Variants in NR3C1 observed in about 807,000 individuals in gnomAD.
NR3C1 encodes the protein nuclear receptor subfamily 3 group C member 1.
NR3C1 carries 14 observed loss-of-function variants against 74.0 expected under a neutral mutation model. The ratio of observed to expected loss-of-function variants is 0.19; its 90% CI spans 0.12 to 0.30. The LOEUF (loss-of-function observed/expected upper bound fraction) is 0.30. Ranked by LOEUF, NR3C1 falls within the 10% of genes least tolerant of loss-of-function variation. The probability of loss-of-function intolerance (pLI) is 1.00; values close to 1 mark genes in which losing one functional copy is unlikely to be tolerated. For missense variants in NR3C1, 695 were observed against 909.8 expected (o/e 0.76, Z 3.04); for synonymous variants, 308 against 332.5 (o/e 0.93, Z 0.80).
chr5:143,323,111 A>T (rs1236618468), intron 2 of NR3C1, among the ~76,000 whole-genome samples: 1 of 152,230 alleles, frequency 6.6e-6, no homozygotes, highest in East Asian at 1.9e-4. Context: ...CTGAGTAATG[A>T]AATCTTATGC....
Position 143,279,142 on chromosome 5 carries a change from G to A in NR3C1, c.*2747C>T. On this transcript the variant is annotated 3_prime_UTR_variant, in exon 9 of 9. Transcript: ENST00000394464. Reference sequence around the variant, plus strand: ...TAGGAAATAAATCTGCTTTCAAACAGCACCACCATATAGCACTTAAATCCA... The same window carrying A: ...TAGGAAATAAATCTGCTTTCAAACAACACCACCATATAGCACTTAAATCCA... 1 of 528,866 alleles carries A rather than the reference G, an allele frequency of 1.9e-6. No homozygotes were observed. Among genetic ancestry groups the A allele is most frequent in the Non-Finnish European group, 3.2e-6 (1 of 312,222 alleles). The allele number at this position is 528,866 out of a possible 1,614,324, so 32.8% of individuals were successfully genotyped here. A position where few individuals can be genotyped will look rare whatever the true frequency, so the allele number is the denominator to read the frequency against.
At chr5:143,282,108 G>T in intron 8 of NR3C1, 67 bp from the exon 9 acceptor site, 1 of 1,573,572 alleles carries the variant, frequency 6.4e-7, no homozygotes, top group Admixed American at 1.7e-5. Context: ...CATGTTTGTT[G>T]TCCTCTATTT....
intron 4 of NR3C1, among the ~76,000 whole-genome samples, chr5:143,308,474 AATAATCATC>A (rs977721490): frequency 3.3e-5 from 5 of 152,068 alleles, no homozygotes; most frequent in Non-Finnish European, 7.4e-5. Context: ...CTAAAATAAT[AATAATCATC>A]ATAATCATAA....
At chr5:143,295,010 TC>T in intron 7 of NR3C1, 1 of 985,400 alleles carries the variant, frequency 1.0e-6, no homozygotes, top group South Asian at 4.7e-5. Context: ...TGTTAACCAA[TC>T]CCCAATAGTA....
At chr5:143,296,616 A>G (rs1561496062) in intron 6 of NR3C1, among the ~76,000 whole-genome samples, 2 of 151,992 alleles carry the variant, frequency 1.3e-5, no homozygotes. Context: ...TTGGCTGTAA[A>G]AACAACAACA....
At chr5:143,435,476 C>T (rs72555797) in exon 1 of NR3C1, 24 of 985,338 alleles carry the variant, frequency 2.4e-5, no homozygotes, top group Non-Finnish European at 2.9e-5. Context: ...GAAGAGGTAC[C>T]TTTTGAATGG....
At chr5:143,344,024 T>C (rs993737541) in intron 2 of NR3C1, among the ~76,000 whole-genome samples, 3 of 152,228 alleles carry the variant, frequency 2.0e-5, no homozygotes, top group East Asian at 1.9e-4. Flanking sequence ...TATTTTTTTT[T>C]CTAAATTGTA....
At chr5:143,403,764 G>T, upstream of NR3C1, 6 of 984,228 alleles carry the variant, frequency 6.1e-6, no homozygotes, top group Non-Finnish European at 7.2e-6. Context: ...GCCGCGCGGC[G>T]GCCGCGGGGA....
rs72481839 is a variant in NR3C1, at chr5:143,310,294, G to C, written c.1352-81C>G. 4 of 1,016,268 alleles carry C rather than the reference G, an allele frequency of 3.9e-6. No individual in the cohort carries two copies. In the African/African-American group the frequency reaches 4.7e-5, roughly 12 times the overall value. The allele number at this position is 1,016,268 out of a possible 1,614,324, so 63.0% of individuals were successfully genotyped here. ...AAGGACAGCCTCTGTCTTTGTTTCC[G>C]GTGGAATATAACCAAGACACCCACA... On this transcript the variant is annotated intron_variant, in intron 3 of 8. Transcript: ENST00000394464.
chr5:143,400,985 C>T, intron 1 of NR3C1, 133 bp from the exon 2 acceptor site: 1 of 744,296 alleles, frequency 1.3e-6, no homozygotes, highest in Non-Finnish European at 2.3e-6. Flanking sequence ...TTCTTTGTTA[C>T]CAGAAGAGTA....
chr5:143,299,005 GTTTTTTTT>G (rs35039262), intron 5 of NR3C1, among the ~76,000 whole-genome samples, 193 bp from the exon 6 acceptor site: 3 of 106,732 alleles, frequency 2.8e-5, no homozygotes, highest in Admixed American at 1.0e-4. Flanking sequence ...ACCCTCTTGT[GTTTTTTTT>G]TTTTTTTTTT....
chr5:143,426,462 C>G (rs1213038967), intron 1 of NR3C1, among the ~76,000 whole-genome samples: 1 of 152,166 alleles, frequency 6.6e-6, no homozygotes, highest in Non-Finnish European at 1.5e-5. Context: ...TACATTGATA[C>G]AAATCAGCTA....
chr5:143,388,282 T>C (rs999270895), intron 2 of NR3C1, among the ~76,000 whole-genome samples: 11 of 152,218 alleles, frequency 7.2e-5, no homozygotes, highest in Non-Finnish European at 1.5e-4. Flanking sequence ...TTAAGGCTTA[T>C]TTCTATCTGG....
chr5:143,311,051 T>C (rs1290928429), intron 3 of NR3C1, among the ~76,000 whole-genome samples: 1 of 152,256 alleles, frequency 6.6e-6, no homozygotes, highest in Non-Finnish European at 1.5e-5. Context: ...AATTGACCAC[T>C]AGACTATAAT....
At chr5:143,400,932 A>C in intron 1 of NR3C1, 80 bp from the exon 2 acceptor site, 1 of 1,075,384 alleles carries the variant, frequency 9.3e-7, no homozygotes. Flanking sequence ...GATTAGTAAG[A>C]GGCAGCTTGT....
At chr5:143,290,382 G>A (rs1815594370) in intron 7 of NR3C1, among the ~76,000 whole-genome samples, 1 of 152,230 alleles carries the variant, frequency 6.6e-6, no homozygotes, top group Non-Finnish European at 1.5e-5. Flanking sequence ...ACTGTGCAAA[G>A]CTAACAACAT....
chr5:143,297,470 T>C (rs1476786526), intron 6 of NR3C1, among the ~76,000 whole-genome samples: 3 of 152,228 alleles, frequency 2.0e-5, no homozygotes, highest in African/African-American at 7.2e-5. Context: ...GGTAGGATTA[T>C]GATGAGTAAT....
chr5:143,387,915 G>C (rs548986145), intron 2 of NR3C1, among the ~76,000 whole-genome samples: 1 of 152,274 alleles, frequency 6.6e-6, no homozygotes, highest in African/African-American at 2.4e-5. Flanking sequence ...CCGATTTCTT[G>C]CCTGACCTTC....
chr5:143,403,957 G>A (rs1840844366), upstream of NR3C1: 1 of 985,112 alleles, frequency 1.0e-6, no homozygotes, highest in Non-Finnish European at 1.2e-6. Flanking sequence ...CCAGGAAAAA[G>A]GGTGGCGGCG....
Sources: allele counts gnomAD v4.1 joint callset (sites outside exome capture counted in the v4.1 genomes callset), GRCh38; gene constraint gnomAD v4.1.1; transcripts MANE v1.5; gene names NCBI Gene and HGNC (gene_info 2026-07-23, HGNC 2026-07-21).